APBA3: variants seen among roughly 807,000 people sequenced by gnomAD.
The protein encoded by APBA3 is amyloid beta precursor protein binding family A member 3.
In APBA3, 45 loss-of-function variants were observed where a neutral mutation model predicts 55.9. The ratio of observed to expected loss-of-function variants is 0.80; its 90% CI spans 0.63 to 1.03. The LOEUF (loss-of-function observed/expected upper bound fraction) is 1.03. Ranked by LOEUF, APBA3 falls within the 50% of genes least tolerant of loss-of-function variation. The pLI, the probability that APBA3 is intolerant of heterozygous loss-of-function variation, is 0.00. For missense variants in APBA3, 865 were observed against 820.3 expected, an observed-to-expected ratio of 1.05 and a Z score of -0.67; for synonymous variants, 370 against 353.3, an observed-to-expected ratio of 1.05 and a Z score of -0.53.
intron 3 of APBA3, among the ~76,000 whole-genome samples, chr19:3,758,448 T>TG (rs2145724748): frequency 6.6e-6 from 1 of 150,730 alleles, no homozygotes; most frequent in South Asian, 2.1e-4. Context: ...TTTGTAGAGA[T>TG]GGGGTCTTGC....
Position 3,751,286 on chromosome 19 carries a change from A to G in APBA3, c.1559T>C (p.Ile520Thr). The change falls in exon 10 of 11, where the codon ATC (isoleucine) becomes ACC (threonine). Residue 520 changes from isoleucine to threonine, a missense_variant. By Grantham distance (89) the Ile-to-Thr change is moderately conservative. Coordinates refer to ENST00000316757, the MANE Select transcript of APBA3 (RefSeq NM_004886.4). ...LRGGIAERGG[I>T]RVGHRIIEIN... is the part of the protein sequence containing the mutation. Reference sequence around the variant, plus strand: ...CTCAATGATGCGGTGGCCGACGCGGATGCCCCCACGCTCGGCGATGCCACC... The same window carrying G: ...CTCAATGATGCGGTGGCCGACGCGGGTGCCCCCACGCTCGGCGATGCCACC... 6.5e-7 allele frequency: 1 copy of G among 1,541,960 alleles called. No homozygotes were observed. The highest frequency in any genetic ancestry group is 8.7e-7 in the Non-Finnish European group (1 of 1,146,868).
At chr19:3,754,661 A>T in intron 3 of APBA3, 1 of 299,800 alleles carries the variant, frequency 3.3e-6, no homozygotes, top group South Asian at 4.9e-5. Context: ...GGCCGGAACC[A>T]GACAGTCCCA....
intron 6 of APBA3, 118 bp downstream of exon 6, chr19:3,753,647 A>G: frequency 2.7e-6 from 3 of 1,110,532 alleles, no homozygotes; most frequent in Non-Finnish European, 3.7e-6. Context: ...CCTTGTCCCA[A>G]AAAAAGAATT....
In APBA3 at chr19:3,750,818, C is replaced by T. The variant is rs370935340; in HGVS notation, c.*208G>A. 1.2e-5 allele frequency: 12 copies of T among 972,828 alleles called. No individual in the cohort carries two copies. The South Asian group carries it at 1.5e-4, about 12-fold the overall frequency. The allele number at this position is 972,828 out of a possible 1,614,324, so 60.3% of individuals were successfully genotyped here. On this transcript the variant is annotated 3_prime_UTR_variant, in exon 11 of 11. Transcript: ENST00000316757. ...AAACAGAGTATTTTCACAGCACCGG[C>T]TTCTAGTGGCTTCCAGGAAGGACAA...
intron 8 of APBA3, chr19:3,751,853 A>G: frequency 2.5e-6 from 1 of 397,372 alleles, no homozygotes; most frequent in South Asian, 3.3e-5. Flanking sequence ...CATTCCTCTG[A>G]CGGGGGCAGG....
In APBA3 at chr19:3,759,970, C is replaced by T; in HGVS notation, c.295G>A (p.Ala99Thr). ...GCTTCGGCAGACAGGAGCCCGTGGG[C>T]ATCAGCAATCTCCTGGGAGGCCAGG... ...HGLASQEIAD[A>T]HGLLSAEAGR... is the part of the protein sequence containing the mutation. The change falls in exon 2 of 11, where the codon GCC (alanine) becomes ACC (threonine). Residue 99 changes from alanine to threonine, a missense_variant. Physicochemically the swap from Ala to Thr is moderately conservative, Grantham distance 58. Transcript: ENST00000316757. 1.2e-6 allele frequency: 2 copies of T among 1,610,194 alleles called. No homozygotes were observed. The highest frequency in any genetic ancestry group is 1.1e-5 in the South Asian group (1 of 90,884).
chr19:3,752,802 G>A lies in APBA3; in HGVS notation c.1182+18C>T, dbSNP rs1197848672. The A allele has an allele frequency of 6.2e-7, 1 of 1,611,688 alleles. No homozygotes were observed. Among genetic ancestry groups the A allele is most frequent in the African/African-American group, 1.3e-5 (1 of 74,924 alleles). On this transcript the variant is annotated intron_variant, in intron 7 of 10. Coordinates refer to ENST00000316757, the MANE Select transcript of APBA3 (RefSeq NM_004886.4). ...GTGTGGGGGGCACCAGGTGGGGGCTGCCCAGCACCTCACTCACCTCCCGGC... is the reference window on the plus strand; with the variant it reads ...GTGTGGGGGGCACCAGGTGGGGGCTACCCAGCACCTCACTCACCTCCCGGC...
intron 6 of APBA3, chr19:3,753,223 G>A: frequency 3.4e-6 from 2 of 585,594 alleles, no homozygotes; most frequent in South Asian, 4.3e-5. Context: ...GATGAGGGAG[G>A]CAGCTCCCTG....
chr19:3,750,928 C>A lies in APBA3; in HGVS notation c.*98G>T. The A allele has an allele frequency of 7.4e-7, 1 of 1,354,336 alleles. No individual in the cohort carries two copies. Among genetic ancestry groups the A allele is most frequent in the Non-Finnish European group, 1.0e-6 (1 of 968,100 alleles). The allele number at this position is 1,354,336 out of a possible 1,614,324, so 83.9% of individuals were successfully genotyped here. A position where few individuals can be genotyped will look rare whatever the true frequency, so the allele number is the denominator to read the frequency against. On this transcript the variant is annotated 3_prime_UTR_variant, in exon 11 of 11. Transcript: ENST00000316757. ...TTTTATATTAGGAAATCATACAGGACCAAGAACCGCTGGGGTCCTGGCCAG... is the reference window on the plus strand; with the variant it reads ...TTTTATATTAGGAAATCATACAGGAACAAGAACCGCTGGGGTCCTGGCCAG...
chr19:3,759,541 A>G lies in APBA3; in HGVS notation c.616+20T>C, dbSNP rs2037117739. 3.1e-6 allele frequency: 5 copies of G among 1,587,630 alleles called. No homozygotes were observed. The highest frequency in any genetic ancestry group is 1.8e-5 in the Admixed American group (1 of 55,946). On this transcript the variant is annotated intron_variant, in intron 3 of 10. Coordinates refer to ENST00000316757, the MANE Select transcript of APBA3 (RefSeq NM_004886.4). The stretch of plus-strand genomic sequence containing the variant: ...CTAGGGGCCTTCAGTGCCTGAGGCT[A>G]GGGTGGGCGGGACACTCACCCTCCT...
At chr19:3,755,507 CT>C (rs1287681591) in intron 3 of APBA3, 4 of 145,040 alleles carry the variant, frequency 2.8e-5, no homozygotes, top group Non-Finnish European at 4.5e-5. Flanking sequence ...TAAAGCTTTA[CT>C]CCTGGCTGGG....
At position 3,751,515 on chromosome 19, in the gene APBA3, G is replaced by T. The variant is rs373010038; in HGVS notation, c.1434C>A (p.Val478=). The change falls in exon 9 of 11, where the codon GTC becomes GTA. Residue 478 remains valine (V), a synonymous_variant. Transcript: ENST00000316757. The part of the protein sequence containing the change: ...KSQTSVTLSI[V]HCPPVTTAII... ...TGGCGGTGGTGACGGGAGGGCAGTGGACGATGCTGAGTGTCACCGACGTCT... is the reference window on the plus strand; with the variant it reads ...TGGCGGTGGTGACGGGAGGGCAGTGTACGATGCTGAGTGTCACCGACGTCT... The T allele has an allele frequency of 9.6e-5, 152 of 1,588,818 alleles. No individual in the cohort carries two copies. The highest frequency in any genetic ancestry group is 6.6e-4 in the Middle Eastern group (3 of 4,530).
chr19:3,759,663 T>C (rs1344576837), intron 2 of APBA3, 26 bp downstream of exon 2: 2 of 1,610,080 alleles, frequency 1.2e-6, no homozygotes, highest in African/African-American at 2.7e-5. Flanking sequence ...CAGTCCAGGA[T>C]GCCTGGAGGG....
intron 3 of APBA3, among the ~76,000 whole-genome samples, chr19:3,757,695 G>A (rs1224529274): frequency 1.3e-5 from 2 of 151,180 alleles, no homozygotes; most frequent in Admixed American, 6.6e-5. Context: ...TTGCACCACT[G>A]AAAAAAAAAG....
intron 3 of APBA3, among the ~76,000 whole-genome samples, chr19:3,757,832 C>T (rs986858834): frequency 1.1e-4 from 16 of 152,250 alleles, no homozygotes; most frequent in Non-Finnish European, 1.6e-4. Context: ...GTATCTGCTG[C>T]AGCTACTCAC....
At position 3,752,721 on chromosome 19, in the gene APBA3, C is replaced by G. The variant is rs372069115; in HGVS notation, c.1183-1G>C. The G allele has an allele frequency of 9.1e-5, 146 of 1,602,612 alleles. No homozygotes were observed. The highest frequency in any genetic ancestry group is 1.1e-4 in the Non-Finnish European group (134 of 1,177,402). On this transcript the variant is annotated splice_acceptor_variant, in intron 7 of 10. Coordinates refer to ENST00000316757, the MANE Select transcript of APBA3 (RefSeq NM_004886.4). LOFTEE classifies it high-confidence loss of function. ...CCCCTCGCCGCTTCTCGAGGTGCAC[C>G]TGGGACACACAGGGGGCGCGGAGGC... is the stretch of plus-strand genomic sequence containing the variant.
chr19:3,760,286 C>G lies in APBA3; in HGVS notation c.-22G>C, dbSNP rs1389343966. The G allele has an allele frequency of 6.4e-7, 1 of 1,568,910 alleles. No individual in the cohort carries two copies. The highest frequency in any genetic ancestry group is 1.1e-5 in the South Asian group (1 of 87,258). ...CCATGCCTGGACTCCAGGCTTAGGC[C>G]GGCATCTTCAGGCAGCTGAAAGAGA... On this transcript the variant is annotated 5_prime_UTR_variant, in exon 2 of 11. Coordinates refer to ENST00000316757, the MANE Select transcript of APBA3 (RefSeq NM_004886.4).
At chr19:3,760,949 AGGT>A (rs2037139388) in intron 1 of APBA3, among the ~76,000 whole-genome samples, 1 of 152,018 alleles carries the variant, frequency 6.6e-6, no homozygotes, top group African/African-American at 2.4e-5. Flanking sequence ...AAAAAACTTG[AGGT>A]TTCCCGGCTG....
Position 3,751,108 on chromosome 19 carries a change from G to T in APBA3, c.1657-11C>A, listed in dbSNP as rs751504608. ...CGTCTTGATATGCACCTGGGGAGTG[G>T]AGGCGGAACGGGGCTCAGGGCAGGC... On this transcript the variant is annotated splice_polypyrimidine_tract_variant and intron_variant, in intron 10 of 10. Transcript: ENST00000316757. 1.5e-4 allele frequency: 229 copies of T among 1,565,480 alleles called. No homozygotes were observed. The highest frequency in any genetic ancestry group is 1.8e-4 in the Non-Finnish European group (213 of 1,154,776).
Sources: allele counts gnomAD v4.1 joint callset (sites outside exome capture counted in the v4.1 genomes callset), GRCh38; gene constraint gnomAD v4.1.1; transcripts MANE v1.5; gene names NCBI Gene and HGNC (gene_info 2026-07-23, HGNC 2026-07-21).